The following PSPH variants were observed in gnomAD, a reference collection of about 807,000 sequenced individuals.
PSPH encodes phosphoserine phosphatase, also known as L-3-phosphoserine phosphatase.
PSPH carries 16 observed loss-of-function variants against 23.4 expected under a neutral mutation model. The observed-to-expected ratio is 0.68, with a 90% CI of 0.46 to 1.04. The LOEUF is 1.04. Ranked by LOEUF, PSPH falls within the 50% of genes least tolerant of loss-of-function variation. The pLI, the probability that PSPH is intolerant of heterozygous loss-of-function variation, is 0.00. For synonymous variants in PSPH, 68 were observed against 99.7 expected (o/e 0.68, Z 1.89); for missense variants, 223 against 273.7 (o/e 0.81, Z 1.31).
intron 2 of PSPH, chr7:56,033,528 AG>A (rs928726363): frequency 6.6e-6 from 1 of 150,568 alleles, no homozygotes; most frequent in African/African-American, 2.4e-5. Flanking sequence ...AAATAAAAAA[AG>A]AAAAGAAAAT....
chr7:56,027,088 C>T (rs990094017), intron 3 of PSPH, among the ~76,000 whole-genome samples: 5 of 151,892 alleles, frequency 3.3e-5, no homozygotes, highest in Non-Finnish European at 5.9e-5. Flanking sequence ...GCCTGTCATC[C>T]CAGCTACTCA....
At chr7:56,021,372 CCTTTT>C in intron 3 of PSPH, 141 bp from the exon 4 acceptor site, 1 of 805,986 alleles carries the variant, frequency 1.2e-6, no homozygotes, top group Non-Finnish European at 2.0e-6. Context: ...ATTTTTTTTT[CCTTTT>C]CTTTTTGTTT....
intron 3 of PSPH, among the ~76,000 whole-genome samples, chr7:56,024,804 CTT>C (rs11394881): frequency 6.1e-5 from 8 of 130,084 alleles, no homozygotes; most frequent in African/African-American, 8.5e-5. Context: ...ATTAATAAAT[CTT>C]TTTTTTTTTT....
At chr7:56,048,028 C>T (rs539973223) in intron 1 of PSPH, among the ~76,000 whole-genome samples, 85 of 151,896 alleles carry the variant, frequency 5.6e-4, no homozygotes, top group Non-Finnish European at 1.0e-3. Context: ...CCTGTAATCC[C>T]GGCACTTTGG....
chr7:56,017,518 T>C (rs1788727477), intron 5 of PSPH, 139 bp from the exon 6 acceptor site: 1 of 1,471,866 alleles, frequency 6.8e-7, no homozygotes, highest in South Asian at 1.3e-5. Flanking sequence ...CAAGGTATAC[T>C]GCCTGGGGTG....
intron 1 of PSPH, among the ~76,000 whole-genome samples, chr7:56,036,226 C>CA (rs974271378): frequency 1.3e-5 from 2 of 151,256 alleles, no homozygotes; most frequent in South Asian, 2.1e-4. Flanking sequence ...GAATCCATCT[C>CA]AAAAAAACCC....
chr7:56,040,009 G>C (rs1466171923), intron 1 of PSPH, among the ~76,000 whole-genome samples: 1 of 151,412 alleles, frequency 6.6e-6, no homozygotes, highest in African/African-American at 2.4e-5. Context: ...TGAGGCAGGA[G>C]AATGGCGTGA....
chr7:56,035,095 C>G (rs1382521642), intron 1 of PSPH, among the ~76,000 whole-genome samples: 3 of 152,072 alleles, frequency 2.0e-5, no homozygotes, highest in African/African-American at 7.2e-5. Context: ...AATCCCAGCA[C>G]TTTGGGAGGC....
In PSPH at chr7:56,014,994, G is replaced by GA. The variant is rs560054024; in HGVS notation, c.570+28dup. 6.7e-4 allele frequency: 1,055 copies of GA among 1,576,714 alleles called. 8 individuals are homozygous for GA. In the African/African-American group the frequency reaches 0.013, roughly 20 times the overall value. On this transcript the variant is annotated intron_variant, in intron 7 of 7. Transcript: ENST00000275605. Reference sequence around the variant, plus strand: ...AATAAATAAAACAAAAGTACAACCTGAAAAAAAATTAGCACCCTTAATACA... The same window carrying GA: ...AATAAATAAAACAAAAGTACAACCTGAAAAAAAAATTAGCACCCTTAATACA...
At chr7:56,045,564 C>T (rs1239249390) in intron 1 of PSPH, among the ~76,000 whole-genome samples, 2 of 152,064 alleles carry the variant, frequency 1.3e-5, no homozygotes, top group African/African-American at 4.8e-5. Context: ...ACGTTAGTCT[C>T]TTGCTTGTTT....
chr7:56,018,336 CTG>C (rs1788857326), intron 5 of PSPH, among the ~76,000 whole-genome samples: 1 of 150,442 alleles, frequency 6.6e-6, no homozygotes, highest in Non-Finnish European at 1.5e-5. Context: ...GTGCGAGACT[CTG>C]TCTCAAAAAA....
chr7:56,039,371 T>C (rs1792177931), intron 1 of PSPH, among the ~76,000 whole-genome samples: 1 of 152,168 alleles, frequency 6.6e-6, no homozygotes, highest in Non-Finnish European at 1.5e-5. Flanking sequence ...TAATCAATGA[T>C]ATTATAATAA....
At chr7:56,017,865 G>A (rs531350814) in intron 5 of PSPH, among the ~76,000 whole-genome samples, 63 of 152,076 alleles carry the variant, frequency 4.1e-4, no homozygotes, top group South Asian at 8.3e-4. Flanking sequence ...TGGGACAACA[G>A]ATGCGCACCA....
chr7:56,045,901 A>AC (rs923557636), intron 1 of PSPH, among the ~76,000 whole-genome samples: 2 of 151,322 alleles, frequency 1.3e-5, no homozygotes, highest in African/African-American at 4.8e-5. Context: ...AAAAAAAAAA[A>AC]AAAGAAAGAA....
At chr7:56,029,180 C>T (rs1390900854) in intron 3 of PSPH, among the ~76,000 whole-genome samples, 1 of 151,982 alleles carries the variant, frequency 6.6e-6, no homozygotes, top group East Asian at 1.9e-4. Context: ...TTAAAATTCT[C>T]GTGGCTATAG....
chr7:56,011,628 G>T lies in PSPH; in HGVS notation c.*134C>A. On this transcript the variant is annotated 3_prime_UTR_variant, in exon 8 of 8. Transcript: ENST00000275605. ...AAGCAATCTTCTAGGATTCCTAACTGTAGTTTAAAGTACAGATCATTTGTA... is the reference window on the plus strand; with the variant it reads ...AAGCAATCTTCTAGGATTCCTAACTTTAGTTTAAAGTACAGATCATTTGTA... 4.8e-6 allele frequency: 3 copies of T among 625,352 alleles called. No individual in the cohort carries two copies. Among genetic ancestry groups the T allele is most frequent in the South Asian group, 1.9e-5 (1 of 52,944 alleles). The allele number at this position is 625,352 out of a possible 1,614,324, so 38.7% of individuals were successfully genotyped here. A position where few individuals can be genotyped will look rare whatever the true frequency, so the allele number is the denominator to read the frequency against.
intron 1 of PSPH, among the ~76,000 whole-genome samples, chr7:56,046,424 T>G (rs1793253496): frequency 6.6e-6 from 1 of 151,752 alleles, no homozygotes; most frequent in African/African-American, 2.4e-5. Context: ...AGAGATGGGG[T>G]CTCACCATGT....
chr7:56,015,529 A>C (rs1321755485), intron 6 of PSPH, among the ~76,000 whole-genome samples: 2 of 151,978 alleles, frequency 1.3e-5, no homozygotes, highest in African/African-American at 4.8e-5. Flanking sequence ...TATAACTATC[A>C]ATTGTAGAGA....
rs763944186 is a variant in PSPH at position 56,011,837 on chromosome 7, G to A, written c.603C>T (p.Ile201=). Reference sequence around the variant, plus strand: ...TGGCGTTATCCTTGACTTGTTGCCTGATCACATTTCCTCCAAATCCAATGA... The same window carrying A: ...TGGCGTTATCCTTGACTTGTTGCCTAATCACATTTCCTCCAAATCCAATGA... ...DAFIGFGGNV[I]RQQVKDNAKW... The change falls in exon 8 of 8, where the codon ATC becomes ATT. Residue 201 remains isoleucine, a synonymous_variant. Coordinates refer to ENST00000275605, the MANE Select transcript of PSPH (RefSeq NM_004577.4). 4.3e-6 allele frequency: 7 copies of A among 1,612,620 alleles called. No individual in the cohort carries two copies.
Sources: allele counts gnomAD v4.1 joint callset (sites outside exome capture counted in the v4.1 genomes callset), GRCh38; gene constraint gnomAD v4.1.1; transcripts MANE v1.5; gene names NCBI Gene and HGNC (gene_info 2026-07-23, HGNC 2026-07-21).